COA8: variants seen among roughly 807,000 people sequenced by gnomAD.
COA8 encodes the protein UPF0671 protein C14orf153.
COA8 carries 20 observed loss-of-function variants against 22.0 expected under a neutral mutation model. The ratio of observed to expected loss-of-function variants is 0.91; its 90% CI spans 0.64 to 1.32. The LOEUF is 1.32. Among genes scored for constraint, COA8 ranks in the 40% most tolerant of loss-of-function variants. The pLI is 0.00. For missense variants in COA8, 266 were observed against 230.0 expected, an observed-to-expected ratio of 1.16 and a Z score of -1.01; for synonymous variants, 105 against 79.9, an observed-to-expected ratio of 1.31 and a Z score of -1.68.
intron 4 of COA8, among the ~76,000 whole-genome samples, chr14:103,589,840 G>A (rs367713720): frequency 6.6e-6 from 1 of 151,980 alleles, no homozygotes; most frequent in South Asian, 2.1e-4. Context: ...CGCGAACCCG[G>A]GAGGCGGAGC....
chr14:103,574,728 C>T (rs2076217918), intron 3 of COA8: 1 of 278,824 alleles, frequency 3.6e-6, no homozygotes, highest in African/African-American at 2.3e-5. Flanking sequence ...CTTGAGTCAC[C>T]CCCATGCCAG....
chr14:103,566,957 G>A (rs1257545705), intron 1 of COA8, among the ~76,000 whole-genome samples: 1 of 152,182 alleles, frequency 6.6e-6, no homozygotes, highest in African/African-American at 2.4e-5. Context: ...GCCCAGGCTG[G>A]AGTGCAGTGG....
chr14:103,578,665 T>C lies in COA8; in HGVS notation c.385+4495T>C, dbSNP rs74085205. On this transcript the variant is annotated intron_variant, in intron 3 of 4. Coordinates refer to ENST00000409074, the MANE Select transcript of COA8 (RefSeq NM_001370595.2). The stretch of plus-strand genomic sequence containing the variant: ...CGGTAGGTTCGGTATTAAGCTGCAG[T>C]GCTGCAGTGTGGATGGTGCCCTGCT... Among the ~76,000 whole-genome samples, 1,364 of 152,316 alleles carry C rather than the reference T, an allele frequency of 9.0e-3. 25 individuals are homozygous for C. The highest frequency in any genetic ancestry group is 0.032 in the African/African-American group (1,318 of 41,570).
At chr14:103,573,982 C>A in intron 2 of COA8, 125 bp from the exon 3 acceptor site, 1 of 1,251,378 alleles carries the variant, frequency 8.0e-7, no homozygotes, top group Non-Finnish European at 1.1e-6. Flanking sequence ...GGGTCACTAG[C>A]TTCTCAGAAA....
At chr14:103,563,206 T>C (rs2076102502) in intron 1 of COA8, 82 bp downstream of exon 1, 2 of 1,501,880 alleles carry the variant, frequency 1.3e-6, no homozygotes, top group Admixed American at 2.0e-5. Flanking sequence ...CACTCCCTGT[T>C]CTGCACAGCC....
intron 1 of COA8, among the ~76,000 whole-genome samples, chr14:103,565,160 A>G (rs535352476): frequency 1.3e-5 from 2 of 149,792 alleles, no homozygotes; most frequent in African/African-American, 4.9e-5. Flanking sequence ...GGGTTTCACT[A>G]TGCTGGCCAG....
At chr14:103,567,802 A>G (rs568980540) in intron 1 of COA8, among the ~76,000 whole-genome samples, 86 of 152,320 alleles carry the variant, frequency 5.6e-4, no homozygotes, top group African/African-American at 2.0e-3. Flanking sequence ...GATAATAAAA[A>G]TAATTAACGT....
intron 3 of COA8, among the ~76,000 whole-genome samples, chr14:103,579,917 C>T (rs1426648174): frequency 7.4e-6 from 1 of 135,120 alleles, no homozygotes; most frequent in Non-Finnish European, 1.5e-5. Context: ...GAGCCGAGAT[C>T]ATGCCACTGC....
At chr14:103,585,095 G>T (rs137897777) in intron 3 of COA8, among the ~76,000 whole-genome samples, 1 of 151,586 alleles carries the variant, frequency 6.6e-6, no homozygotes, top group Non-Finnish European at 1.5e-5. Flanking sequence ...CCGAGATTGC[G>T]CCACTGCACT....
intron 1 of COA8, among the ~76,000 whole-genome samples, chr14:103,567,253 A>T (rs534036081): frequency 8.6e-4 from 130 of 151,666 alleles, no homozygotes; most frequent in African/African-American, 3.0e-3. Flanking sequence ...CATGCCTGTA[A>T]TCCCAGCTAC....
chr14:103,564,244 G>T (rs2076117188), intron 1 of COA8, among the ~76,000 whole-genome samples: 1 of 151,942 alleles, frequency 6.6e-6, no homozygotes, highest in South Asian at 2.1e-4. Context: ...TTTCATAATT[G>T]TAGCTTTGAA....
In COA8 at chr14:103,582,815, G is replaced by T. The variant is rs189050317; in HGVS notation, c.386-4459G>T. On this transcript the variant is annotated intron_variant, in intron 3 of 4. Coordinates refer to ENST00000409074, the MANE Select transcript of COA8 (RefSeq NM_001370595.2). ...ACCCTTTTAAACTGTATAATTCCAT[G>T]GCTTTTAGTAGTCACAAGATTGTAC... Among the ~76,000 whole-genome samples the T allele has an allele frequency of 6.7e-5, 9 of 134,032 alleles. No individual in the cohort carries two copies. In the Admixed American group the frequency reaches 7.4e-4, roughly 11 times the overall value. 87.9% of individuals were successfully genotyped at this position (134,032 alleles called of 152,430 possible).
chr14:103,579,156 G>T (rs1457371709), intron 3 of COA8, among the ~76,000 whole-genome samples: 1 of 152,002 alleles, frequency 6.6e-6, no homozygotes, highest in Non-Finnish European at 1.5e-5. Context: ...GACAGAGTAG[G>T]CCCTCTTTAT....
intron 1 of COA8, among the ~76,000 whole-genome samples, chr14:103,566,201 C>T (rs1472870971): frequency 6.6e-6 from 1 of 151,904 alleles, no homozygotes; most frequent in Non-Finnish European, 1.5e-5. Flanking sequence ...GCAGGCAGAT[C>T]ACCTGAGGTC....
rs561129402 is a variant in COA8, at chr14:103,565,125, T to A, written c.123+2001T>A. ...CGCATGCTGCCACGCCTGGTTAATT[T>A]TTTTTTCTTTTTTTAGTAGAGATGG... On this transcript the variant is annotated intron_variant, in intron 1 of 4. Coordinates refer to ENST00000409074, the MANE Select transcript of COA8 (RefSeq NM_001370595.2). Among the ~76,000 whole-genome samples, 17 of 151,942 alleles carry A rather than the reference T, an allele frequency of 1.1e-4. No individual in the cohort carries two copies. The South Asian group carries it at 3.1e-3, about 28-fold the overall frequency.
chr14:103,587,137 A>AT (rs1288241803), intron 3 of COA8, 137 bp from the exon 4 acceptor site: 6 of 559,494 alleles, frequency 1.1e-5, no homozygotes. Context: ...TTGCTAGTGT[A>AT]TAGAAATACA....
intron 3 of COA8, among the ~76,000 whole-genome samples, chr14:103,575,521 CAT>C (rs770888298): frequency 3.3e-5 from 5 of 152,130 alleles, no homozygotes; most frequent in African/African-American, 9.7e-5. Context: ...GGCCAGAGCA[CAT>C]GTCTTGTACA....
intron 3 of COA8, among the ~76,000 whole-genome samples, chr14:103,579,035 A>G (rs1168168641): frequency 6.6e-6 from 1 of 152,206 alleles, no homozygotes; most frequent in Non-Finnish European, 1.5e-5. Flanking sequence ...TCCATCCCAG[A>G]TGAGGTCTCG....
intron 1 of COA8, among the ~76,000 whole-genome samples, chr14:103,568,431 G>GTA (rs563340956): frequency 0.016 from 2,408 of 148,890 alleles, 41 homozygotes; most frequent in African/African-American, 0.041. Flanking sequence ...AAGGAGATAT[G>GTA]TATATATATA....
Sources: allele counts gnomAD v4.1 joint callset (sites outside exome capture counted in the v4.1 genomes callset), GRCh38; gene constraint gnomAD v4.1.1; transcripts MANE v1.5; gene names NCBI Gene and HGNC (gene_info 2026-07-23, HGNC 2026-07-21).